Variants in NUP35 observed in about 807,000 individuals in gnomAD.
The protein encoded by NUP35 is nucleoporin 35, also known as nucleoporin NUP35.
In NUP35, 25 loss-of-function variants were observed where a neutral mutation model predicts 41.5. The observed-to-expected ratio is 0.60, with a 90% confidence interval of 0.44 to 0.84. The LOEUF is 0.84. Ranked by LOEUF, NUP35 falls within the 40% of genes least tolerant of loss-of-function variation. NUP35 has a pLI of 0.00. For missense variants in NUP35, 396 were observed against 396.6 expected (o/e 1.00, Z 0.01); for synonymous variants, 149 against 130.7 (o/e 1.14, Z -0.96).
intron 5 of NUP35, among the ~76,000 whole-genome samples, 165 bp from the exon 6 acceptor site, chr2:183,157,279 C>T (rs1421051306): frequency 1.3e-5 from 2 of 152,114 alleles, no homozygotes; most frequent in Admixed American, 1.3e-4. Flanking sequence ...AGTGACTAGT[C>T]ACTGACAGAA....
At chr2:183,160,755 A>G (rs1685843170) in intron 8 of NUP35, 2 of 171,648 alleles carry the variant, frequency 1.2e-5, no homozygotes, top group Admixed American at 1.2e-4. Flanking sequence ...TTAAAAGCAT[A>G]AGGATATTCT....
At chr2:183,127,371 G>A (rs1320001951) in intron 1 of NUP35, among the ~76,000 whole-genome samples, 1 of 151,774 alleles carries the variant, frequency 6.6e-6, no homozygotes, top group East Asian at 1.9e-4. Flanking sequence ...TCCTGCCTTG[G>A]CCTCCCAAAG....
At chr2:183,123,812 G>A (rs1700102680), upstream of NUP35, 17 of 985,394 alleles carry the variant, frequency 1.7e-5, no homozygotes, top group Non-Finnish European at 2.0e-5. Flanking sequence ...ATTCCGCGGT[G>A]TGGAGGGTTC....
intron 4 of NUP35, among the ~76,000 whole-genome samples, chr2:183,149,528 A>G (rs1309458658): frequency 6.6e-6 from 1 of 152,230 alleles, no homozygotes; most frequent in African/African-American, 2.4e-5. Flanking sequence ...GTTGAATCAC[A>G]TGAAGTTGCC....
chr2:183,128,172 C>T, intron 1 of NUP35, 115 bp from the exon 2 acceptor site: 1 of 620,876 alleles, frequency 1.6e-6, no homozygotes, highest in African/African-American at 1.9e-5. Flanking sequence ...TCTATTATAT[C>T]TAAAAGTTTT....
intron 4 of NUP35, among the ~76,000 whole-genome samples, chr2:183,135,464 G>A (rs72894523): frequency 0.028 from 4,332 of 152,264 alleles, 87 homozygotes; most frequent in Non-Finnish European, 0.043. Flanking sequence ...GTATTACATG[G>A]CCCTGTAGGT....
In NUP35 at chr2:183,160,866, A is replaced by C; in HGVS notation, c.904-188A>C. On this transcript the variant is annotated intron_variant, in intron 8 of 8. Transcript: ENST00000295119. ...GGCAGGCCGAGGCGGGCGGATCACG[A>C]GGTCAGGAGATCGAGACCATCCTGG... 10 of 409,632 alleles carry C rather than the reference A, an allele frequency of 2.4e-5. No individual in the cohort carries two copies. The South Asian group carries it at 3.0e-4, about 12-fold the overall frequency. The allele number at this position is 409,632 out of a possible 1,614,324, so 25.4% of individuals were successfully genotyped here. A position where few individuals can be genotyped will look rare whatever the true frequency, so the allele number is the denominator to read the frequency against.
chr2:183,127,457 A>T (rs1238949127), intron 1 of NUP35, among the ~76,000 whole-genome samples: 2 of 152,140 alleles, frequency 1.3e-5, no homozygotes, highest in African/African-American at 4.8e-5. Context: ...AAGAAAAAAG[A>T]TACAAAAATA....
intron 4 of NUP35, among the ~76,000 whole-genome samples, chr2:183,138,612 T>G (rs1684976479): frequency 6.6e-6 from 1 of 152,086 alleles, no homozygotes; most frequent in South Asian, 2.1e-4. Flanking sequence ...GAACATTGAA[T>G]GTGTTTTTTC....
intron 4 of NUP35, among the ~76,000 whole-genome samples, chr2:183,144,172 A>G (rs1221711801): frequency 6.6e-6 from 1 of 152,210 alleles, no homozygotes; most frequent in Non-Finnish European, 1.5e-5. Context: ...AGGGTTCCAA[A>G]TGTGAAGCTT....
At position 183,124,449 on chromosome 2, in the gene NUP35, G is replaced by A. The variant is rs925452413; in HGVS notation, c.-9G>A. ...GAAGGTACTGGTTTTAAGTGTAGTT[G>A]CCGACGCAATGGCAGCCTTTGCAGT... On this transcript the variant is annotated 5_prime_UTR_variant, in exon 1 of 9. Transcript: ENST00000295119. The A allele has an allele frequency of 1.8e-5, 29 of 1,614,056 alleles. No individual in the cohort carries two copies. The highest frequency in any genetic ancestry group is 2.4e-5 in the Non-Finnish European group (28 of 1,180,010).
intron 1 of NUP35, chr2:183,118,363 T>C (rs546305692): frequency 6.6e-6 from 1 of 152,360 alleles, no homozygotes; most frequent in African/African-American, 2.4e-5. Context: ...ATGTTTCTCA[T>C]TCAAGATAAT....
At chr2:183,119,127 T>C (rs1261643223) in intron 1 of NUP35, among the ~76,000 whole-genome samples, 1 of 152,140 alleles carries the variant, frequency 6.6e-6, no homozygotes, top group Admixed American at 6.6e-5. Context: ...ATCACCAGTT[T>C]TAGGTGTTTC....
rs530956186 is a variant in NUP35 at position 183,153,113 on chromosome 2, A to G, written c.539+1464A>G. On this transcript the variant is annotated intron_variant, in intron 5 of 8. Transcript: ENST00000295119. The stretch of plus-strand genomic sequence containing the variant: ...GATCTCGTGAGACTTATTCATTATC[A>G]TGAGAATAGCACAGGAAAGACTGGC... 2.6e-4 allele frequency among the ~76,000 whole-genome samples: 40 copies of G among 152,292 alleles called. No individual in the cohort carries two copies. The Middle Eastern group carries it at 0.01, about 39-fold the overall frequency.
intron 4 of NUP35, among the ~76,000 whole-genome samples, chr2:183,135,741 G>C (rs1369270834): frequency 6.6e-6 from 1 of 152,184 alleles, no homozygotes; most frequent in East Asian, 1.9e-4. Flanking sequence ...GCATGTGCCT[G>C]TAGTTCCAGC....
chr2:183,133,297 A>T (rs866530231), intron 3 of NUP35, among the ~76,000 whole-genome samples: 26 of 150,774 alleles, frequency 1.7e-4, no homozygotes, highest in African/African-American at 6.1e-4. Context: ...CAAATAGTTA[A>T]CATGTCACCT....
intron 1 of NUP35, among the ~76,000 whole-genome samples, chr2:183,127,779 A>G (rs10497620): frequency 6.6e-6 from 1 of 152,194 alleles, no homozygotes; most frequent in Non-Finnish European, 1.5e-5. Context: ...TGTCACAGAT[A>G]AATATTGTGC....
intron 8 of NUP35, 146 bp downstream of exon 8, chr2:183,159,798 T>C: frequency 1.7e-6 from 1 of 576,434 alleles, no homozygotes; most frequent in Non-Finnish European, 2.8e-6. Flanking sequence ...TTTAAAAGTT[T>C]TCTGCTTTAA....
Position 183,157,521 on chromosome 2 carries a change from T to C in NUP35, c.609+8T>C. On this transcript the variant is annotated splice_region_variant and intron_variant, in intron 6 of 8. Coordinates refer to ENST00000295119, the MANE Select transcript of NUP35 (RefSeq NM_138285.5). ...AATATCTTAAAACATGTGGTAAGGC[T>C]TAATTTTTTTCAGTTCAGAGTTTTG... is the stretch of plus-strand genomic sequence containing the variant. The C allele has an allele frequency of 6.3e-7, 1 of 1,584,596 alleles. No individual in the cohort carries two copies. Among genetic ancestry groups the C allele is most frequent in the South Asian group, 1.1e-5 (1 of 89,790 alleles).
Sources: gnomAD v4.1 joint callset for allele counts (sites outside exome capture counted in the v4.1 genomes callset) on GRCh38, gnomAD v4.1.1 for gene constraint, MANE v1.5 for transcripts, NCBI Gene and HGNC (gene_info 2026-07-23, HGNC 2026-07-21) for gene names.